CCDC3: variants seen among roughly 807,000 people sequenced by gnomAD.
The protein encoded by CCDC3 is coiled-coil domain containing 3, also known as coiled-coil domain-containing protein 3.
CCDC3 carries 24 observed loss-of-function variants against 21.4 expected under a neutral mutation model. The ratio of observed to expected loss-of-function variants is 1.12; its 90% CI spans 0.81 to 1.58. The LOEUF is 1.58. Among genes scored for constraint, CCDC3 ranks in the 40% most tolerant of loss-of-function variants. CCDC3 has a pLI of 0.00. For missense variants in CCDC3, 425 were observed against 360.9 expected, an observed-to-expected ratio of 1.18 and a Z score of -1.44; for synonymous variants, 186 against 166.0, an observed-to-expected ratio of 1.12 and a Z score of -0.93.
At chr10:12,932,126 A>G (rs972686202) in intron 2 of CCDC3, among the ~76,000 whole-genome samples, 3 of 152,114 alleles carry the variant, frequency 2.0e-5, no homozygotes, top group Admixed American at 2.0e-4. Context: ...CCTCATGTAG[A>G]TCTTGTAAAT....
intron 5 of CCDC3, among the ~76,000 whole-genome samples, chr10:13,034,929 G>C (rs1836358912): frequency 6.6e-6 from 1 of 151,968 alleles, no homozygotes; most frequent in African/African-American, 2.4e-5. Context: ...GGGAGGCTGA[G>C]GCAGGAGAAT....
At chr10:13,087,846 A>G (rs1837130843) in intron 3 of CCDC3, among the ~76,000 whole-genome samples, 1 of 151,808 alleles carries the variant, frequency 6.6e-6, no homozygotes, top group South Asian at 2.1e-4. Context: ...GAGATCTACA[A>G]GGTTGGTGCA....
At chr10:13,060,254 G>A (rs1335528419) in intron 4 of CCDC3, among the ~76,000 whole-genome samples, 1 of 152,176 alleles carries the variant, frequency 6.6e-6, no homozygotes, top group East Asian at 1.9e-4. Context: ...TGACCTTGCT[G>A]TGCGTGTCTG....
At position 12,929,216 on chromosome 10, in the gene CCDC3, C is replaced by G. The variant is rs191701737; in HGVS notation, c.550-30537G>C. The stretch of plus-strand genomic sequence containing the variant: ...GGTGGAGGTCGCAGTGAGCCGAGAT[C>G]GTGCCACTGCACTCCAGCCTGGGTG... On this transcript the variant is annotated intron_variant, in intron 2 of 2. Transcript: ENST00000378825. Among the ~76,000 whole-genome samples the G allele has an allele frequency of 7.1e-4, 102 of 143,684 alleles. 2 individuals are homozygous for G. In the South Asian group the frequency reaches 9.7e-3, roughly 14 times the overall value. 94.3% of individuals were successfully genotyped at this position (143,684 alleles called of 152,430 possible). A position where few individuals can be genotyped will look rare whatever the true frequency, so the allele number is the denominator to read the frequency against.
At chr10:12,924,006 G>A (rs1175051840) in intron 2 of CCDC3, among the ~76,000 whole-genome samples, 1 of 152,194 alleles carries the variant, frequency 6.6e-6, no homozygotes, top group Non-Finnish European at 1.5e-5. Flanking sequence ...CACTAGGTTT[G>A]GTGTGAATTT....
chr10:12,989,566 C>CA, intron 2 of CCDC3, among the ~76,000 whole-genome samples: 1 of 152,122 alleles, frequency 6.6e-6, no homozygotes, highest in Admixed American at 6.5e-5. Context: ...GGATTACAGG[C>CA]ACGTGCCACC....
In CCDC3 at chr10:13,020,369, G is replaced by C. The variant is rs1393057648; in HGVS notation, c.-1-21857C>G. On this transcript the variant is annotated intron_variant, in intron 5 of 6. Transcript: ENST00000378839. ...TTTGCTGTCATGAACAGTTAGCGCG[G>C]TTTAGCAAGAGATAAATCATCTTCA... Among the ~76,000 whole-genome samples the C allele has an allele frequency of 5.9e-5, 9 of 152,160 alleles. No homozygotes were observed. The East Asian group carries it at 1.7e-3, about 29-fold the overall frequency.
chr10:13,073,356 A>C (rs1836909842), intron 4 of CCDC3, among the ~76,000 whole-genome samples: 1 of 145,676 alleles, frequency 6.9e-6, no homozygotes, highest in Non-Finnish European at 1.5e-5. Context: ...GTGACATAGG[A>C]CACTGAGCTG....
intron 2 of CCDC3, among the ~76,000 whole-genome samples, chr10:12,927,517 AT>A (rs1001821416): frequency 2.4e-4 from 37 of 152,208 alleles, no homozygotes; most frequent in African/African-American, 7.9e-4. Flanking sequence ...CTTTTACAAT[AT>A]TTTTTGTTGT....
chr10:13,005,121 C>T (rs1054299326), upstream of CCDC3, among the ~76,000 whole-genome samples: 2 of 152,204 alleles, frequency 1.3e-5, no homozygotes, highest in Non-Finnish European at 1.5e-5. Context: ...ACATAGCATA[C>T]AACAAAATCT....
rs560498306 is a variant in CCDC3 at position 13,086,566 on chromosome 10, C to T, written c.-503+11959G>A. On this transcript the variant is annotated intron_variant, in intron 3 of 6. Coordinates refer to the CCDC3 transcript ENST00000378839. ...CCGCCTCCCGGTTCTCCTGCCTCAG[C>T]CTCCCCAGCAGCTGGGATTACAGGC... 4.7e-3 allele frequency among the ~76,000 whole-genome samples: 716 copies of T among 152,268 alleles called. 4 individuals carry two copies. The highest frequency in any genetic ancestry group is 6.9e-3 in the Non-Finnish European group (472 of 68,008).
intron 5 of CCDC3, among the ~76,000 whole-genome samples, chr10:13,048,829 G>T (rs1836566471): frequency 6.6e-6 from 1 of 152,206 alleles, no homozygotes; most frequent in Admixed American, 6.5e-5. Flanking sequence ...AGGAGTGTGT[G>T]TAAGAGAGAG....
chr10:12,910,611 A>ATTT (rs11320030), intron 2 of CCDC3, among the ~76,000 whole-genome samples: 12,561 of 105,274 alleles, frequency 0.12, 1,276 homozygotes, highest in East Asian at 0.25. Flanking sequence ...AAAAAAAAAA[A>ATTT]TTTTTTTTTT....
intron 2 of CCDC3, among the ~76,000 whole-genome samples, chr10:12,944,836 T>C: frequency 6.6e-6 from 1 of 152,216 alleles, no homozygotes; most frequent in East Asian, 1.9e-4. Flanking sequence ...TCATGAGCAA[T>C]CCAAGTATAA....
chr10:13,077,134 C>G (rs1240842065), intron 3 of CCDC3, among the ~76,000 whole-genome samples: 4 of 152,178 alleles, frequency 2.6e-5, no homozygotes, highest in Non-Finnish European at 4.4e-5. Context: ...CCAAAATCTC[C>G]TTAAGCTGAT....
rs182510842 is a variant in CCDC3, at chr10:12,995,078, T to A, written c.549+3260A>T. 9.3e-3 allele frequency among the ~76,000 whole-genome samples: 660 copies of A among 70,766 alleles called. 2 individuals carry two copies. Among genetic ancestry groups the A allele is most frequent in the African/African-American group, 0.037 (622 of 16,712 alleles). The allele number at this position is 70,766 out of a possible 152,430, so 46.4% of individuals were successfully genotyped here. A position where few individuals can be genotyped will look rare whatever the true frequency, so the allele number is the denominator to read the frequency against. On this transcript the variant is annotated intron_variant, in intron 2 of 2. Coordinates refer to ENST00000378825, the MANE Select transcript of CCDC3 (RefSeq NM_031455.4). ...GCCTGGTCTACAGAGTGAGACTCCA[T>A]CTCAAAAGAAAAAAAAAAAAAAGAA...
chr10:12,953,749 C>T (rs1410709464), intron 2 of CCDC3, among the ~76,000 whole-genome samples: 2 of 152,120 alleles, frequency 1.3e-5, no homozygotes, highest in Admixed American at 6.5e-5. Flanking sequence ...TGCTCAGAAG[C>T]CTTGATCACA....
At chr10:13,012,769 T>TA (rs781384146) in intron 5 of CCDC3, among the ~76,000 whole-genome samples, 101 of 151,706 alleles carry the variant, frequency 6.7e-4, no homozygotes, top group Non-Finnish European at 1.3e-3. Flanking sequence ...AGACTCTGTC[T>TA]AAAAAAAACA....
At chr10:12,932,131 G>A (rs1298458443) in intron 2 of CCDC3, among the ~76,000 whole-genome samples, 1 of 152,070 alleles carries the variant, frequency 6.6e-6, no homozygotes, top group African/African-American at 2.4e-5. Flanking sequence ...TGTAGATCTT[G>A]TAAATATTGT....
Sources: gnomAD v4.1 joint callset for allele counts (sites outside exome capture counted in the v4.1 genomes callset) on GRCh38, gnomAD v4.1.1 for gene constraint, MANE v1.5 for transcripts, NCBI Gene and HGNC (gene_info 2026-07-23, HGNC 2026-07-21) for gene names.